The following SUGCT variants were observed in gnomAD, a reference collection of about 807,000 sequenced individuals.
SUGCT encodes succinyl-CoA:glutarate-CoA transferase, also known as succinyl-CoA:glutarate CoA-transferase.
In SUGCT, 41 loss-of-function variants were observed where a neutral mutation model predicts 55.0. The observed-to-expected ratio is 0.74, with a 90% CI of 0.58 to 0.97. SUGCT has a LOEUF of 0.97. Among genes scored for constraint, SUGCT ranks in the 50% least tolerant of loss-of-function variants. The pLI is 0.00. For synonymous variants in SUGCT, 187 were observed against 200.4 expected, an observed-to-expected ratio of 0.93 and a Z score of 0.56; for missense variants, 568 against 547.8, an observed-to-expected ratio of 1.04 and a Z score of -0.37.
chr7:40,557,546 G>A (rs1408578762), intron 12 of SUGCT, among the ~76,000 whole-genome samples: 1 of 152,158 alleles, frequency 6.6e-6, no homozygotes, highest in Non-Finnish European at 1.5e-5. Context: ...GCCGAGGTGG[G>A]CGGATCACCT....
chr7:40,533,246 G>A (rs1794187682), intron 12 of SUGCT, among the ~76,000 whole-genome samples: 2 of 152,006 alleles, frequency 1.3e-5, no homozygotes, highest in Admixed American at 1.3e-4. Flanking sequence ...TAAAATTTTT[G>A]CACATTCTCA....
the SUGCT span, among the ~76,000 whole-genome samples, chr7:40,945,825 G>A: frequency 1.3e-5 from 2 of 152,162 alleles, no homozygotes; most frequent in Non-Finnish European, 2.9e-5. Context: ...TAGCCACCCA[G>A]TGGGGCTGCC....
chr7:40,304,918 AC>A (rs1346754274), intron 8 of SUGCT, among the ~76,000 whole-genome samples: 1 of 152,076 alleles, frequency 6.6e-6, no homozygotes, highest in Non-Finnish European at 1.5e-5. Flanking sequence ...TATGATTAAA[AC>A]CCCAAGCCAA....
At chr7:40,713,563 C>T (rs1764919920) in intron 12 of SUGCT, among the ~76,000 whole-genome samples, 1 of 152,190 alleles carries the variant, frequency 6.6e-6, no homozygotes, top group Non-Finnish European at 1.5e-5. Flanking sequence ...AACCAGTTTT[C>T]ACCACTGCCT....
intron 9 of SUGCT, among the ~76,000 whole-genome samples, chr7:40,428,293 G>A (rs1375361778): frequency 6.6e-6 from 1 of 152,102 alleles, no homozygotes; most frequent in Non-Finnish European, 1.5e-5. Flanking sequence ...GTTGTAGACG[G>A]CATATAGTTG....
intron 1 of SUGCT, among the ~76,000 whole-genome samples, chr7:40,142,317 A>G (rs1418661399): frequency 1.3e-5 from 2 of 152,332 alleles, no homozygotes; most frequent in Admixed American, 1.3e-4. Flanking sequence ...TGATTCTTTG[A>G]AGAGAAATTT....
chr7:40,894,614 C>A, the SUGCT span, among the ~76,000 whole-genome samples: 1 of 151,978 alleles, frequency 6.6e-6, no homozygotes, highest in East Asian at 1.9e-4. Flanking sequence ...CTGAAATCAA[C>A]AAGCAAAAAA....
chr7:40,716,127 A>G (rs1203729), intron 12 of SUGCT, among the ~76,000 whole-genome samples: 8,788 of 152,204 alleles, frequency 0.058, 798 homozygotes, highest in African/African-American at 0.2. Context: ...TGGGTGGGGA[A>G]CATGTTCCTG....
intron 6 of SUGCT, among the ~76,000 whole-genome samples, chr7:40,225,886 A>T (rs1322043538): frequency 1.3e-5 from 2 of 152,200 alleles, no homozygotes; most frequent in African/African-American, 4.8e-5. Context: ...CAATTTTCTC[A>T]ATAATAATTA....
At chr7:40,219,008 C>G (rs750200630) in intron 6 of SUGCT, among the ~76,000 whole-genome samples, 1 of 152,224 alleles carries the variant, frequency 6.6e-6, no homozygotes, top group Non-Finnish European at 1.5e-5. Context: ...ACTACTCACT[C>G]TTTGGGTCCG....
chr7:40,188,357 C>G (rs1287272240), intron 3 of SUGCT, 138 bp from the exon 4 acceptor site: 1 of 598,956 alleles, frequency 1.7e-6, no homozygotes, highest in East Asian at 3.4e-5. Flanking sequence ...TTACCCGAAC[C>G]CAGGAGGTAG....
At chr7:40,759,409 A>G (rs528348803) in intron 13 of SUGCT, among the ~76,000 whole-genome samples, 50 of 152,352 alleles carry the variant, frequency 3.3e-4, no homozygotes, top group Admixed American at 6.5e-4. Context: ...TGGTATATAT[A>G]TGAATACTTT....
At chr7:40,424,104 G>C (rs1440385164) in intron 9 of SUGCT, among the ~76,000 whole-genome samples, 1 of 152,118 alleles carries the variant, frequency 6.6e-6, no homozygotes, top group African/African-American at 2.4e-5. Flanking sequence ...GGCATACTCT[G>C]CCGTGGTTGG....
At chr7:40,349,148 T>C (rs763246922) in intron 9 of SUGCT, among the ~76,000 whole-genome samples, 4 of 152,220 alleles carry the variant, frequency 2.6e-5, no homozygotes, top group Non-Finnish European at 5.9e-5. Flanking sequence ...ATAGCTTTGC[T>C]TGTCTTTAAT....
intron 12 of SUGCT, among the ~76,000 whole-genome samples, chr7:40,531,799 G>A (rs1230377863): frequency 2.6e-5 from 4 of 151,514 alleles, no homozygotes; most frequent in African/African-American, 7.3e-5. Context: ...TCAGCCTCCC[G>A]AGTAGCGGGG....
chr7:40,794,753 AT>A (rs1790470565), intron 13 of SUGCT, among the ~76,000 whole-genome samples: 1 of 152,128 alleles, frequency 6.6e-6, no homozygotes, highest in African/African-American at 2.4e-5. Context: ...CATTTAAAAT[AT>A]TTTAAATCTG....
At chr7:40,889,878 A>C in the SUGCT span, among the ~76,000 whole-genome samples, 3 of 152,034 alleles carry the variant, frequency 2.0e-5, no homozygotes, top group Non-Finnish European at 4.4e-5. Flanking sequence ...TAGTCCCACA[A>C]CTCAGATTCT....
chr7:40,547,844 A>G (rs1306233439), intron 12 of SUGCT, among the ~76,000 whole-genome samples: 2 of 152,098 alleles, frequency 1.3e-5, no homozygotes, highest in Admixed American at 1.3e-4. Context: ...TATTTGCTTT[A>G]TGGATATTTT....
At chr7:40,612,777 A>G (rs1053081697) in intron 12 of SUGCT, among the ~76,000 whole-genome samples, 1 of 152,274 alleles carries the variant, frequency 6.6e-6, no homozygotes, top group East Asian at 1.9e-4. Flanking sequence ...ATTAGCTAAC[A>G]TGATTATTAG....
Sources: gnomAD v4.1 joint callset for allele counts (sites outside exome capture counted in the v4.1 genomes callset) on GRCh38, gnomAD v4.1.1 for gene constraint, MANE v1.5 for transcripts, NCBI Gene and HGNC (gene_info 2026-07-23, HGNC 2026-07-21) for gene names.